Variants in ROBO1 observed in about 807,000 individuals in gnomAD.
ROBO1 encodes roundabout guidance receptor 1, also known as roundabout homolog 1.
ROBO1 carries 149 observed loss-of-function variants against 195.9 expected under a neutral mutation model. The ratio of observed to expected loss-of-function variants is 0.76; its 90% CI spans 0.67 to 0.87. The LOEUF (loss-of-function observed/expected upper bound fraction) is 0.87, where lower values mean the gene tolerates loss of function less well. ROBO1 is among the 40% of genes least tolerant of loss of function. The probability of loss-of-function intolerance (pLI) is 0.00; values close to 1 mark genes in which losing one functional copy is unlikely to be tolerated. For missense variants in ROBO1, 1,933 were observed against 2,068.3 expected (o/e 0.93, Z 1.27); for synonymous variants, 816 against 733.2 (o/e 1.11, Z -1.82).
intron 4 of ROBO1, among the ~76,000 whole-genome samples, chr3:78,906,374 T>G (rs2037920665): frequency 6.6e-6 from 1 of 152,244 alleles, no homozygotes; most frequent in Admixed American, 6.5e-5. Context: ...GCCTTACTGT[T>G]AATTAAAACC....
At chr3:78,768,422 C>T (rs1413803110) in intron 4 of ROBO1, among the ~76,000 whole-genome samples, 1 of 151,352 alleles carries the variant, frequency 6.6e-6, no homozygotes, top group Admixed American at 6.6e-5. Context: ...TATGTTCCTG[C>T]TCATTATAGA....
At chr3:79,639,935 C>T (rs1256293540) in intron 1 of ROBO1, among the ~76,000 whole-genome samples, 2 of 152,170 alleles carry the variant, frequency 1.3e-5, no homozygotes, top group Non-Finnish European at 2.9e-5. Context: ...TAGTGAGCAT[C>T]TGCATCAGTA....
chr3:79,586,763 C>T (rs747176686), intron 2 of ROBO1, among the ~76,000 whole-genome samples: 16 of 151,530 alleles, frequency 1.1e-4, no homozygotes, highest in East Asian at 1.9e-4. Flanking sequence ...TCCTTACATC[C>T]GTGGCAATAA....
intron 2 of ROBO1, among the ~76,000 whole-genome samples, chr3:79,140,713 T>A (rs557562215): frequency 3.9e-5 from 6 of 152,282 alleles, no homozygotes; most frequent in African/African-American, 1.4e-4. Flanking sequence ...AATTTGCCAA[T>A]TGGGAGTTTA....
chr3:79,651,179 C>A (rs1315432847), intron 1 of ROBO1, among the ~76,000 whole-genome samples: 1 of 151,982 alleles, frequency 6.6e-6, no homozygotes, highest in African/African-American at 2.4e-5. Flanking sequence ...TGGCCTATCC[C>A]ATCCAAATTT....
At chr3:78,779,746 C>T (rs2083616390) in intron 4 of ROBO1, among the ~76,000 whole-genome samples, 1 of 152,176 alleles carries the variant, frequency 6.6e-6, no homozygotes, top group South Asian at 2.1e-4. Flanking sequence ...CTAGCAATCC[C>T]ATTACTGGGT....
chr3:78,690,187 A>C (rs2081141068), intron 8 of ROBO1, among the ~76,000 whole-genome samples: 1 of 151,482 alleles, frequency 6.6e-6, no homozygotes, highest in Non-Finnish European at 1.5e-5. Flanking sequence ...AAAAAAAAGT[A>C]CATGTAAAAC....
At chr3:79,075,145 C>T (rs2079151427) in intron 3 of ROBO1, among the ~76,000 whole-genome samples, 1 of 151,688 alleles carries the variant, frequency 6.6e-6, no homozygotes, top group Non-Finnish European at 1.5e-5. Context: ...GATGTCTCAT[C>T]AACTTTACAT....
intron 5 of ROBO1, among the ~76,000 whole-genome samples, chr3:78,727,350 G>A (rs1273043453): frequency 6.6e-6 from 1 of 152,164 alleles, no homozygotes; most frequent in Non-Finnish European, 1.5e-5. Context: ...ATCTCGGCCG[G>A]GCGCGGTGGC....
At chr3:79,107,743 AATTG>A (rs1231961539) in intron 3 of ROBO1, among the ~76,000 whole-genome samples, 6 of 151,722 alleles carry the variant, frequency 4.0e-5, no homozygotes, top group Non-Finnish European at 8.9e-5. Context: ...GATATTGTTG[AATTG>A]ATTAAGTAAA....
At chr3:78,888,693 A>G (rs2036710223) in intron 4 of ROBO1, among the ~76,000 whole-genome samples, 1 of 152,148 alleles carries the variant, frequency 6.6e-6, no homozygotes, top group African/African-American at 2.4e-5. Flanking sequence ...TTGACTTCAA[A>G]GAGATATATA....
At chr3:79,595,196 C>T (rs1459165534) in intron 1 of ROBO1, among the ~76,000 whole-genome samples, 1 of 151,842 alleles carries the variant, frequency 6.6e-6, no homozygotes. Flanking sequence ...GATCCATCCC[C>T]TGCTAATAGG....
At chr3:79,759,640 T>C (rs560267083) in intron 1 of ROBO1, among the ~76,000 whole-genome samples, 5 of 152,354 alleles carry the variant, frequency 3.3e-5, no homozygotes, top group Non-Finnish European at 7.4e-5. Context: ...ATACAGTTTG[T>C]CTTAAAAAAA....
rs559770543 is a variant in ROBO1, at chr3:78,638,134, A to G, written c.3037+1610T>C. ...CACACATACATCTGACTCAAAAAAC[A>G]AACAATAGAAAATAAATGTATGCAT... On this transcript the variant is annotated intron_variant, in intron 22 of 30. Transcript: ENST00000464233. Among the ~76,000 whole-genome samples the G allele has an allele frequency of 2.0e-5, 3 of 151,410 alleles. No homozygotes were observed. The South Asian group carries it at 6.2e-4, about 31-fold the overall frequency.
At chr3:78,922,914 T>C (rs1230530651) in intron 4 of ROBO1, among the ~76,000 whole-genome samples, 2 of 152,144 alleles carry the variant, frequency 1.3e-5, no homozygotes, top group Non-Finnish European at 2.9e-5. Flanking sequence ...TCTGATTTTC[T>C]TTCAGGCACT....
chr3:79,100,503 G>A (rs1032054874), intron 3 of ROBO1, among the ~76,000 whole-genome samples: 1 of 151,718 alleles, frequency 6.6e-6, no homozygotes, highest in South Asian at 2.1e-4. Context: ...GCCAGCCCAA[G>A]AGCACGGGAA....
chr3:79,094,841 G>A lies in ROBO1; in HGVS notation c.172+30615C>T, dbSNP rs190039705. On this transcript the variant is annotated intron_variant, in intron 3 of 30. Transcript: ENST00000464233. ...ACTCTTTTTGAAATGAGGAGCCATA[G>A]AGAAGTCTCTCTTCCTCCCTCCCTC... 8.2e-3 allele frequency among the ~76,000 whole-genome samples: 1,240 copies of A among 151,436 alleles called. 20 individuals are homozygous for A. The highest frequency in any genetic ancestry group is 0.028 in the African/African-American group (1,173 of 41,270).
chr3:79,600,175 T>C (rs1944298743), intron 1 of ROBO1, among the ~76,000 whole-genome samples: 1 of 152,094 alleles, frequency 6.6e-6, no homozygotes, highest in South Asian at 2.1e-4. Flanking sequence ...CTGGTCATCC[T>C]AGCTAAAGTG....
intron 3 of ROBO1, among the ~76,000 whole-genome samples, chr3:79,056,625 A>C (rs1408151279): frequency 6.6e-6 from 1 of 152,114 alleles, no homozygotes; most frequent in African/African-American, 2.4e-5. Context: ...TGCGCTGTCT[A>C]ACTTGTTTTC....
Sources: allele counts gnomAD v4.1 joint callset (sites outside exome capture counted in the v4.1 genomes callset), GRCh38; gene constraint gnomAD v4.1.1; transcripts MANE v1.5; gene names NCBI Gene and HGNC (gene_info 2026-07-23, HGNC 2026-07-21).